PPM1L: variants seen among roughly 807,000 people sequenced by gnomAD.
PPM1L encodes the protein protein phosphatase, Mg2+/Mn2+ dependent 1L.
A neutral mutation model predicts 31.4 loss-of-function variants in PPM1L; 13 were observed. The observed-to-expected ratio is 0.41, with a 90% confidence interval of 0.27 to 0.66. PPM1L has a LOEUF of 0.66. Ranked by LOEUF, PPM1L falls within the 30% of genes least tolerant of loss-of-function variation. PPM1L has a pLI of 0.29. For synonymous variants in PPM1L, 184 were observed against 175.4 expected (o/e 1.05, Z -0.39); for missense variants, 326 against 453.7 (o/e 0.72, Z 2.56).
intron 1 of PPM1L, among the ~76,000 whole-genome samples, chr3:160,834,512 T>TGTGTGG (rs1448659113): frequency 1.4e-5 from 2 of 146,204 alleles, no homozygotes; most frequent in African/African-American, 5.0e-5. Flanking sequence ...TGTGTGTGTG[T>TGTGTGG]GGTTGTGTGT....
chr3:161,042,471 A>G (rs1718940423), intron 2 of PPM1L, among the ~76,000 whole-genome samples: 1 of 152,202 alleles, frequency 6.6e-6, no homozygotes, highest in African/African-American at 2.4e-5. Context: ...CCTGGGGCTT[A>G]TAAGTCCTTC....
In PPM1L at chr3:161,078,375, G is replaced by GCAA. The variant is rs2108121855; in HGVS notation, c.*9220_*9222dup. On this transcript the variant is annotated 3_prime_UTR_variant, in exon 4 of 4. Coordinates refer to ENST00000498165, the MANE Select transcript of PPM1L (RefSeq NM_139245.4). ...AAAATTTTTCCATCAGCATTTTCTT[G>GCAA]CAACTTTAAAAATCACAAGGGATTA... The GCAA allele has an allele frequency of 6.6e-6, 1 of 152,184 alleles. No individual in the cohort carries two copies. Among genetic ancestry groups the GCAA allele is most frequent in the African/African-American group, 2.4e-5 (1 of 41,526 alleles). The allele number at this position is 152,184 out of a possible 1,614,324, so 9.4% of individuals were successfully genotyped here.
intron 1 of PPM1L, among the ~76,000 whole-genome samples, chr3:160,942,370 C>T (rs774099083): frequency 6.6e-6 from 1 of 152,096 alleles, no homozygotes; most frequent in African/African-American, 2.4e-5. Flanking sequence ...GCTGAAATTA[C>T]GGATGTGAGC....
intron 2 of PPM1L, among the ~76,000 whole-genome samples, chr3:161,035,358 A>G (rs1483219527): frequency 1.3e-5 from 2 of 152,194 alleles, no homozygotes; most frequent in African/African-American, 2.4e-5. Flanking sequence ...CTTCTGTTTC[A>G]TGGTTTGTGT....
intron 2 of PPM1L, among the ~76,000 whole-genome samples, chr3:161,064,015 G>A (rs966397686): frequency 3.3e-5 from 5 of 151,978 alleles, no homozygotes; most frequent in African/African-American, 1.2e-4. Context: ...ACCAGGGTCT[G>A]TCAGGGGGTG....
chr3:160,772,439 G>A (rs908882717), intron 1 of PPM1L, among the ~76,000 whole-genome samples: 15 of 152,182 alleles, frequency 9.9e-5, no homozygotes, highest in Non-Finnish European at 1.9e-4. Flanking sequence ...AGCAAAAACA[G>A]GTCCTCATTC....
chr3:160,825,808 G>T (rs77765964), intron 1 of PPM1L, among the ~76,000 whole-genome samples: 2 of 152,066 alleles, frequency 1.3e-5, no homozygotes, highest in Admixed American at 1.3e-4. Context: ...GCTCCTTTTG[G>T]CTCTGGCTGA....
Position 160,778,873 on chromosome 3 carries a change from A to C in PPM1L, c.399+22166A>C, listed in dbSNP as rs923978347. On this transcript the variant is annotated intron_variant, in intron 1 of 3. Coordinates refer to ENST00000498165, the MANE Select transcript of PPM1L (RefSeq NM_139245.4). Reference sequence around the variant, plus strand: ...AGGCTTTGAGCCCAGAAGCTCTCTCAAACTCATTCTAAGTGCTTGGTGAAA... The same window carrying C: ...AGGCTTTGAGCCCAGAAGCTCTCTCCAACTCATTCTAAGTGCTTGGTGAAA... 3.3e-5 allele frequency among the ~76,000 whole-genome samples: 5 copies of C among 152,202 alleles called. No homozygotes were observed. In the South Asian group the frequency reaches 1.0e-3, roughly 32 times the overall value.
At chr3:160,997,336 G>A (rs563830863) in intron 2 of PPM1L, among the ~76,000 whole-genome samples, 6 of 152,210 alleles carry the variant, frequency 3.9e-5, no homozygotes, top group African/African-American at 7.2e-5. Flanking sequence ...GGATATGTGC[G>A]GGAGGTGGAC....
At chr3:161,037,960 G>A (rs112270800) in intron 2 of PPM1L, among the ~76,000 whole-genome samples, 48 of 152,096 alleles carry the variant, frequency 3.2e-4, no homozygotes, top group Admixed American at 1.2e-3. Context: ...GTGGCCGGGC[G>A]CGGTGGCTCA....
chr3:160,978,162 C>T (rs2108031451), intron 2 of PPM1L, among the ~76,000 whole-genome samples: 1 of 152,276 alleles, frequency 6.6e-6, no homozygotes, highest in African/African-American at 2.4e-5. Flanking sequence ...TCTAAGGTAG[C>T]TTGTGAATAG....
chr3:161,019,749 G>A (rs1168528883), intron 2 of PPM1L, among the ~76,000 whole-genome samples: 1 of 152,102 alleles, frequency 6.6e-6, no homozygotes, highest in Non-Finnish European at 1.5e-5. Flanking sequence ...ATGTCCACTA[G>A]GGTCACAGTA....
intron 2 of PPM1L, among the ~76,000 whole-genome samples, chr3:161,042,706 T>C (rs12107315): frequency 4.6e-4 from 70 of 152,344 alleles, no homozygotes; most frequent in African/African-American, 1.7e-3. Context: ...ATGTGAATCG[T>C]ACTTAATATT....
At chr3:161,057,245 T>C (rs1576622671) in intron 2 of PPM1L, among the ~76,000 whole-genome samples, 1 of 152,004 alleles carries the variant, frequency 6.6e-6, no homozygotes. Context: ...CTGCTACAGG[T>C]CTCTGTTGTC....
intron 1 of PPM1L, among the ~76,000 whole-genome samples, chr3:160,909,552 C>T (rs1713882845): frequency 6.6e-6 from 1 of 152,190 alleles, no homozygotes; most frequent in Non-Finnish European, 1.5e-5. Context: ...GAATAGAAAT[C>T]TGGGAACATA....
At chr3:161,005,543 G>A (rs1228901276) in intron 2 of PPM1L, among the ~76,000 whole-genome samples, 2 of 152,132 alleles carry the variant, frequency 1.3e-5, no homozygotes, top group African/African-American at 4.8e-5. Flanking sequence ...ATTAAATACA[G>A]AAGCTCTGGA....
intron 1 of PPM1L, among the ~76,000 whole-genome samples, chr3:160,786,574 AT>A (rs1711939665): frequency 6.9e-6 from 1 of 145,248 alleles, no homozygotes; most frequent in South Asian, 2.1e-4. Context: ...AATAAAAGCC[AT>A]TTGGGTTTTT....
At chr3:160,876,424 G>C (rs768185993) in intron 1 of PPM1L, among the ~76,000 whole-genome samples, 1 of 152,180 alleles carries the variant, frequency 6.6e-6, no homozygotes, top group African/African-American at 2.4e-5. Context: ...TGTTGAATGA[G>C]ATCCTGATTA....
At chr3:160,774,710 G>C (rs1192445054) in intron 1 of PPM1L, among the ~76,000 whole-genome samples, 1 of 152,168 alleles carries the variant, frequency 6.6e-6, no homozygotes, top group Non-Finnish European at 1.5e-5. Context: ...CATAGCCATG[G>C]GGAAGAGGAT....
Sources: gnomAD v4.1 joint callset for allele counts (sites outside exome capture counted in the v4.1 genomes callset) on GRCh38, gnomAD v4.1.1 for gene constraint, MANE v1.5 for transcripts, NCBI Gene and HGNC (gene_info 2026-07-23, HGNC 2026-07-21) for gene names.